Variants in ZBTB25 observed in about 807,000 individuals in gnomAD.
The protein encoded by ZBTB25 is zinc finger and BTB domain containing 25.
ZBTB25 carries 20 observed loss-of-function variants against 34.2 expected under a neutral mutation model. The observed-to-expected ratio is 0.58, with a 90% CI of 0.41 to 0.85. ZBTB25 has a LOEUF of 0.85. Ranked by LOEUF, ZBTB25 falls within the 40% of genes least tolerant of loss-of-function variation. The pLI, the probability that ZBTB25 is intolerant of heterozygous loss-of-function variation, is 0.00. For synonymous variants in ZBTB25, 175 were observed against 186.4 expected (o/e 0.94, Z 0.50); for missense variants, 437 against 521.8 (o/e 0.84, Z 1.58).
rs571531922 is a variant in ZBTB25, at chr14:64,454,447, T to C, written c.174-4809A>G. Among the ~76,000 whole-genome samples the C allele has an allele frequency of 2.0e-5, 3 of 152,266 alleles. No individual in the cohort carries two copies. The East Asian group carries it at 5.8e-4, about 29-fold the overall frequency. ...TTTTATTCTCATATCTACTCCAAAC[T>C]ATTATTTTAAATTAGTTTTATGTTA... On this transcript the variant is annotated intron_variant, in intron 2 of 2. Transcript: ENST00000555220.
chr14:64,455,537 G>A (rs1194346578), intron 2 of ZBTB25, among the ~76,000 whole-genome samples: 1 of 152,150 alleles, frequency 6.6e-6, no homozygotes, highest in Non-Finnish European at 1.5e-5. Flanking sequence ...TTGTTCCAAG[G>A]TTAACTTGGA....
At chr14:64,493,320 C>T (rs2079154467) in intron 1 of ZBTB25, among the ~76,000 whole-genome samples, 1 of 152,138 alleles carries the variant, frequency 6.6e-6, no homozygotes, top group Admixed American at 6.6e-5. Context: ...GCTGCGTGGT[C>T]TTGGCAAGAC....
At chr14:64,468,364 G>C in intron 2 of ZBTB25, 1 of 1,545,878 alleles carries the variant, frequency 6.5e-7, no homozygotes, top group South Asian at 1.3e-5. Context: ...AGAGAATACA[G>C]TTTTCTAGAG....
intron 1 of ZBTB25, among the ~76,000 whole-genome samples, chr14:64,492,650 G>C (rs905428387): frequency 6.6e-6 from 1 of 150,904 alleles, no homozygotes; most frequent in African/African-American, 2.4e-5. Flanking sequence ...ATTTTCACCA[G>C]TTCTTCCCAT....
At position 64,454,719 on chromosome 14, in the gene ZBTB25, C is replaced by T. The variant is rs143887854; in HGVS notation, c.174-5081G>A. 640 of 1,612,912 alleles carry T rather than the reference C, an allele frequency of 4.0e-4. 2 individuals carry two copies. The African/African-American group carries it at 7.8e-3, about 20-fold the overall frequency. On this transcript the variant is annotated intron_variant, in intron 2 of 2. Transcript: ENST00000555220. ...GTCCTCCCTCTCTTCCCTTCTTTCC[C>T]CAGGGCTTTGGGAATCTCCCCATCT...
chr14:64,490,355 C>G lies in ZBTB25; in HGVS notation c.173+6G>C. The G allele has an allele frequency of 6.4e-7, 1 of 1,573,576 alleles. No homozygotes were observed. The highest frequency in any genetic ancestry group is 8.7e-7 in the Non-Finnish European group (1 of 1,155,904). On this transcript the variant is annotated splice_donor_region_variant and intron_variant, in intron 2 of 2. Transcript: ENST00000608382. ...AAAATTCTTATTTACAAAAACACAT[C>G]CTTACCTTGTTTGGTGAATAAATAT...
intron 2 of ZBTB25, chr14:64,463,096 G>A (rs2140998653): frequency 6.6e-6 from 1 of 152,192 alleles, no homozygotes; most frequent in South Asian, 2.1e-4. Flanking sequence ...CCTATTTCCT[G>A]TTATATAATG....
intron 1 of ZBTB25, chr14:64,502,643 A>C: frequency 1.0e-6 from 1 of 985,438 alleles, no homozygotes; most frequent in Non-Finnish European, 1.2e-6. Flanking sequence ...AGCCAAGTAT[A>C]TATAATGACC....
At chr14:64,503,117 GAT>G (rs1280724233) in intron 1 of ZBTB25, 1 of 985,388 alleles carries the variant, frequency 1.0e-6, no homozygotes, top group Non-Finnish European at 1.2e-6. Context: ...ACGGTGATAA[GAT>G]GGGTCAAGCT....
chr14:64,475,267 G>A (rs200727800), downstream of ZBTB25, among the ~76,000 whole-genome samples: 176 of 152,084 alleles, frequency 1.2e-3, no homozygotes, highest in East Asian at 2.3e-3. Context: ...GTGAAACCCC[G>A]TCTCTACTAA....
chr14:64,457,066 T>C (rs1177789097), intron 2 of ZBTB25, among the ~76,000 whole-genome samples: 1 of 152,212 alleles, frequency 6.6e-6, no homozygotes, highest in African/African-American at 2.4e-5. Context: ...ATATAATTTG[T>C]AAGCATTACA....
At chr14:64,502,701 G>A (rs2079535677) in intron 1 of ZBTB25, 8 of 985,426 alleles carry the variant, frequency 8.1e-6, no homozygotes, top group Middle Eastern at 5.2e-4. Flanking sequence ...CTGGCACTGC[G>A]GTCCTGGCAT....
rs2078918169 is a variant in ZBTB25 at position 64,487,530 on chromosome 14, C to T, written c.701G>A (p.Ser234Asn). ...GTAATGGCATAAGTGTATTTTGACA[C>T]TGTTTTCAGTAAAAGTGGGGCCTGT... ...EVTGPTFTEN[S>N]VKIHLCHYCG... The change falls in exon 3 of 3, where the codon AGT becomes AAT. Residue 234 changes from serine to asparagine, a missense_variant. Ser to Asn is a conservative substitution (Grantham distance 46). Coordinates refer to ENST00000608382, the MANE Select transcript of ZBTB25 (RefSeq NM_006977.5). The T allele has an allele frequency of 1.9e-6, 3 of 1,612,470 alleles. No individual in the cohort carries two copies. Among genetic ancestry groups the T allele is most frequent in the East Asian group, 2.2e-5 (1 of 44,792 alleles).
In ZBTB25 at chr14:64,453,733, C is replaced by A. The variant is rs775698437; in HGVS notation, c.174-4095G>T. 1.7e-5 allele frequency: 24 copies of A among 1,413,878 alleles called. 1 individual carries two copies. In the Middle Eastern group the frequency reaches 7.0e-4, roughly 41 times the overall value. The allele number at this position is 1,413,878 out of a possible 1,614,324, so 87.6% of individuals were successfully genotyped here. On this transcript the variant is annotated intron_variant, in intron 2 of 2. Transcript: ENST00000555220. ...CACATGTGTCCAGTCATGGTGTCCC[C>A]ATCTCTTTCTTGTGCATTAGCTCCC...
At chr14:64,489,559 A>T (rs1338385327) in intron 2 of ZBTB25, among the ~76,000 whole-genome samples, 1 of 149,706 alleles carries the variant, frequency 6.7e-6, no homozygotes, top group African/African-American at 2.5e-5. Context: ...TTTTTGAGAC[A>T]GAGTCTCGCT....
intron 2 of ZBTB25, chr14:64,471,706 CAGATGAAGTAATAA>C (rs1368604958): frequency 6.2e-6 from 1 of 160,942 alleles, no homozygotes; most frequent in African/African-American, 2.4e-5. Context: ...CTACTTGAAA[CAGATGAAGTAATAA>C]AGATGAAGTA....
chr14:64,450,866 C>G (rs1425273739), intron 2 of ZBTB25, among the ~76,000 whole-genome samples: 2 of 152,034 alleles, frequency 1.3e-5, no homozygotes, highest in Non-Finnish European at 2.9e-5. Flanking sequence ...TACTACCAAG[C>G]CTGGCTAATT....
At chr14:64,494,249 G>C (rs866978538) in intron 1 of ZBTB25, among the ~76,000 whole-genome samples, 1 of 152,178 alleles carries the variant, frequency 6.6e-6, no homozygotes, top group Non-Finnish European at 1.5e-5. Flanking sequence ...CAAACATGTC[G>C]AGTGTACTGA....
chr14:64,475,650 C>T (rs757420422), downstream of ZBTB25, among the ~76,000 whole-genome samples: 37 of 152,010 alleles, frequency 2.4e-4, 1 homozygote, highest in Middle Eastern at 3.2e-3. Flanking sequence ...GGTTAAGTTC[C>T]CGAGCTTAGG....
Sources: allele counts gnomAD v4.1 joint callset (sites outside exome capture counted in the v4.1 genomes callset), GRCh38; gene constraint gnomAD v4.1.1; transcripts MANE v1.5; gene names NCBI Gene and HGNC (gene_info 2026-07-23, HGNC 2026-07-21).